The following WWOX variants were observed in gnomAD, a reference collection of about 807,000 sequenced individuals.
WWOX encodes the protein WW domain containing oxidoreductase, also known as WW domain-containing oxidoreductase.
WWOX carries 69 observed loss-of-function variants against 46.2 expected under a neutral mutation model. The ratio of observed to expected loss-of-function variants is 1.49; its 90% CI spans 1.23 to 1.82. The LOEUF (loss-of-function observed/expected upper bound fraction) is 1.82, where lower values mean the gene tolerates loss of function less well. Ranked by LOEUF, WWOX falls within the 40% of genes most tolerant of loss-of-function variation. The probability of loss-of-function intolerance (pLI) is 0.00; values close to 1 mark genes in which losing one functional copy is unlikely to be tolerated. For missense variants in WWOX, 919 were observed against 542.6 expected (o/e 1.69, Z -6.89); for synonymous variants, 359 against 202.6 (o/e 1.77, Z -6.56).
At chr16:78,602,308 C>T (rs1403354543) in intron 8 of WWOX, among the ~76,000 whole-genome samples, 2 of 152,136 alleles carry the variant, frequency 1.3e-5, no homozygotes, top group African/African-American at 4.8e-5. Flanking sequence ...TCTCGGCTTA[C>T]TGCAACCTTC....
intron 8 of WWOX, among the ~76,000 whole-genome samples, chr16:78,998,283 C>G (rs1165773826): frequency 6.6e-6 from 1 of 152,220 alleles, no homozygotes; most frequent in Non-Finnish European, 1.5e-5. Flanking sequence ...TTCATTCTCT[C>G]TGATCTAAGG....
At chr16:78,782,251 C>G (rs1412044558) in intron 8 of WWOX, among the ~76,000 whole-genome samples, 1 of 152,210 alleles carries the variant, frequency 6.6e-6, no homozygotes, top group Non-Finnish European at 1.5e-5. Flanking sequence ...TGGCTTCTGT[C>G]TTCCCTCTAG....
intron 5 of WWOX, among the ~76,000 whole-genome samples, chr16:78,358,995 T>C (rs2081354865): frequency 6.6e-6 from 1 of 151,982 alleles, no homozygotes; most frequent in South Asian, 2.1e-4. Context: ...CCCTTATTGC[T>C]GGGCACAGAT....
At chr16:78,327,568 A>G (rs1469006487) in intron 5 of WWOX, among the ~76,000 whole-genome samples, 1 of 152,150 alleles carries the variant, frequency 6.6e-6, no homozygotes. Context: ...CATTTGGGGT[A>G]TTAGGATTCC....
At chr16:78,748,637 G>T (rs376205528) in intron 8 of WWOX, among the ~76,000 whole-genome samples, 2 of 152,260 alleles carry the variant, frequency 1.3e-5, no homozygotes, top group East Asian at 3.9e-4. Context: ...GAAGTCACTG[G>T]GCCCAGATAG....
intron 5 of WWOX, among the ~76,000 whole-genome samples, chr16:78,314,970 G>T (rs191784406): frequency 1.4e-4 from 22 of 152,038 alleles, no homozygotes; most frequent in Admixed American, 1.3e-4. Context: ...AATGTCCTTC[G>T]TAAAAGAAGA....
chr16:79,113,355 C>T (rs186292465), intron 8 of WWOX, among the ~76,000 whole-genome samples: 6 of 152,166 alleles, frequency 3.9e-5, no homozygotes, highest in African/African-American at 1.4e-4. Context: ...TATGCCCCAT[C>T]AGGGGGCAAA....
At chr16:78,928,288 C>T (rs1006495874) in intron 8 of WWOX, among the ~76,000 whole-genome samples, 5 of 150,784 alleles carry the variant, frequency 3.3e-5, no homozygotes, top group African/African-American at 7.3e-5. Flanking sequence ...CTGCAAGCTC[C>T]GCCTCCCGGG....
At chr16:79,024,569 G>A (rs1385380141) in intron 8 of WWOX, among the ~76,000 whole-genome samples, 4 of 152,096 alleles carry the variant, frequency 2.6e-5, no homozygotes, top group Non-Finnish European at 5.9e-5. Flanking sequence ...GAGTAGCTGG[G>A]ACTACAGGCA....
chr16:78,329,394 C>T (rs962876652), intron 5 of WWOX, among the ~76,000 whole-genome samples: 8 of 152,160 alleles, frequency 5.3e-5, no homozygotes, highest in South Asian at 4.1e-4. Context: ...ACCTCCACCA[C>T]GAAGGTTCCA....
chr16:78,324,999 G>A (rs2080580502), intron 5 of WWOX, among the ~76,000 whole-genome samples: 1 of 152,120 alleles, frequency 6.6e-6, no homozygotes, highest in Non-Finnish European at 1.5e-5. Flanking sequence ...AACCACTCAG[G>A]GCCCGAGCTG....
intron 6 of WWOX, among the ~76,000 whole-genome samples, chr16:78,423,854 A>AG (rs895766829): frequency 6.6e-6 from 1 of 151,630 alleles, no homozygotes; most frequent in Non-Finnish European, 1.5e-5. Flanking sequence ...AAAAAAAAAA[A>AG]AAAAATTAAA....
chr16:79,046,152 G>C (rs372633984), intron 8 of WWOX, among the ~76,000 whole-genome samples: 1 of 152,126 alleles, frequency 6.6e-6, no homozygotes, highest in Non-Finnish European at 1.5e-5. Context: ...TTGCAGGACT[G>C]TGCTCAGCAC....
intron 5 of WWOX, among the ~76,000 whole-genome samples, chr16:78,371,173 A>G (rs1746254794): frequency 6.6e-6 from 1 of 152,116 alleles, no homozygotes; most frequent in African/African-American, 2.4e-5. Flanking sequence ...ACAGTTCCTC[A>G]GCATGAATGT....
In WWOX at chr16:78,253,218, C is replaced by G. The variant is rs550255181; in HGVS notation, c.516+88929C>G. ...TGGATTAAGTAATTTACTTAAGGTC[C>G]TGCTTCTAAAGTTATAAGTACTCTT... On this transcript the variant is annotated intron_variant, in intron 5 of 8. Coordinates refer to ENST00000566780, the MANE Select transcript of WWOX (RefSeq NM_016373.4). 1.2e-4 allele frequency among the ~76,000 whole-genome samples: 19 copies of G among 152,192 alleles called. No homozygotes were observed. The East Asian group carries it at 3.5e-3, about 28-fold the overall frequency.
At chr16:78,361,964 G>C (rs1453438646) in intron 5 of WWOX, among the ~76,000 whole-genome samples, 2 of 98,400 alleles carry the variant, frequency 2.0e-5, no homozygotes, top group African/African-American at 8.4e-5. Context: ...AGATTCACAG[G>C]TATTTCCTTT....
intron 8 of WWOX, among the ~76,000 whole-genome samples, chr16:78,507,061 A>G (rs563649061): frequency 1.3e-4 from 20 of 152,304 alleles, no homozygotes; most frequent in African/African-American, 4.6e-4. Flanking sequence ...CTGGAGGAGA[A>G]GCAAGATCTT....
chr16:78,938,285 G>C (rs2045783480), intron 8 of WWOX, among the ~76,000 whole-genome samples: 1 of 152,182 alleles, frequency 6.6e-6, no homozygotes, highest in South Asian at 2.1e-4. Context: ...GTGTTGCCCA[G>C]ACCCTACCTT....
intron 4 of WWOX, among the ~76,000 whole-genome samples, chr16:78,118,303 T>TA (rs1014967289): frequency 1.5e-4 from 23 of 151,956 alleles, no homozygotes; most frequent in Non-Finnish European, 2.4e-4. Flanking sequence ...TTAATTCATC[T>TA]AAAAAAAATC....
Sources: gnomAD v4.1 joint callset for allele counts (sites outside exome capture counted in the v4.1 genomes callset) on GRCh38, gnomAD v4.1.1 for gene constraint, MANE v1.5 for transcripts, NCBI Gene and HGNC (gene_info 2026-07-23, HGNC 2026-07-21) for gene names.